Variants in FMNL3 observed in about 807,000 individuals in gnomAD.
FMNL3 encodes the protein formin-like protein 3.
In FMNL3, 57 loss-of-function variants were observed where a neutral mutation model predicts 119.6. That is an observed-to-expected ratio of 0.48 (90% CI 0.39 to 0.59). The LOEUF (loss-of-function observed/expected upper bound fraction) is 0.59. FMNL3 is among the 20% of genes least tolerant of loss of function. FMNL3 has a pLI of 0.00. For synonymous variants in FMNL3, 491 were observed against 507.3 expected (o/e 0.97, Z 0.43); for missense variants, 1,053 against 1,323.5 (o/e 0.80, Z 3.17).
At chr12:49,676,429 A>T (rs2138916770) in intron 1 of FMNL3, among the ~76,000 whole-genome samples, 1 of 152,266 alleles carries the variant, frequency 6.6e-6, no homozygotes, top group South Asian at 2.1e-4. Context: ...TGACCTTGGA[A>T]ATGAAATCCA....
At chr12:49,686,708 T>A (rs962364038) in intron 1 of FMNL3, among the ~76,000 whole-genome samples, 9 of 152,024 alleles carry the variant, frequency 5.9e-5, no homozygotes, top group Middle Eastern at 3.4e-3. Context: ...CCAGACTTCA[T>A]ATTTCTCTTC....
At chr12:49,656,197 G>C (rs1362912945) in intron 9 of FMNL3, among the ~76,000 whole-genome samples, 1 of 152,064 alleles carries the variant, frequency 6.6e-6, no homozygotes, top group African/African-American at 2.4e-5. Flanking sequence ...TCTTTAGCTG[G>C]CCAATCAGGA....
chr12:49,661,945 C>T (rs780752575), intron 5 of FMNL3, 21 bp downstream of exon 5: 82 of 1,612,054 alleles, frequency 5.1e-5, no homozygotes, highest in Non-Finnish European at 7.0e-5. Context: ...TCCCCAACTT[C>T]AGCCCCGGGG....
In FMNL3 at chr12:49,636,724, A is replaced by G; in HGVS notation, c.*9091T>C. On this transcript the variant is annotated 3_prime_UTR_variant, in exon 26 of 26. Transcript: ENST00000335154. ...CTCCTGCCTGTCTTTAGACATGGACAAGGAAGATGCACTGATCTGTTTTGA... is the reference window on the plus strand; with the variant it reads ...CTCCTGCCTGTCTTTAGACATGGACGAGGAAGATGCACTGATCTGTTTTGA... 1.2e-6 allele frequency: 2 copies of G among 1,614,168 alleles called. No homozygotes were observed.
chr12:49,668,510 C>A lies in FMNL3; in HGVS notation c.171G>T (p.Gln57His). The change falls in exon 2 of 26, where the codon CAG becomes CAT. Residue 57 changes from glutamine to histidine, a missense_variant. Gln to His is a conservative substitution (Grantham distance 24, BLOSUM62 0). Around this residue, in one of 4 missense-constraint regions of FMNL3, gnomAD observed 264 missense variants for 265.5 expected, o/e 0.99. Coordinates refer to ENST00000335154, the MANE Select transcript of FMNL3 (RefSeq NM_175736.5). Reference sequence around the variant, plus strand: ...GATCCCATTTCTTCTCATTGTCATACTGCCGCAGGAGCCGGGCCTTGTCTG... The same window carrying A: ...GATCCCATTTCTTCTCATTGTCATAATGCCGCAGGAGCCGGGCCTTGTCTG... Reference protein sequence around the residue: ...LPPDKARLLRQYDNEKKWDLI... With the variant: ...LPPDKARLLRHYDNEKKWDLI... The A allele has an allele frequency of 6.2e-7, 1 of 1,614,182 alleles. No individual in the cohort carries two copies. The highest frequency in any genetic ancestry group is 8.5e-7 in the Non-Finnish European group (1 of 1,180,034).
In FMNL3 at chr12:49,647,668, C is replaced by A. The variant is rs772540098; in HGVS notation, c.2778+35G>T. On this transcript the variant is annotated intron_variant, in intron 23 of 25. Coordinates refer to ENST00000335154, the MANE Select transcript of FMNL3 (RefSeq NM_175736.5). This position sits in a 1 kb window ranked among gnomAD's most constrained non-coding sequence, Gnocchi z 4.9. Reference sequence around the variant, plus strand: ...TTCTCTCCCCCAGCCAGTTTTCTCGCAACCAAACTTCTTAAAAAGCTCTCT... The same window carrying A: ...TTCTCTCCCCCAGCCAGTTTTCTCGAAACCAAACTTCTTAAAAAGCTCTCT... The A allele has an allele frequency of 3.8e-6, 6 of 1,593,268 alleles. No homozygotes were observed. Among genetic ancestry groups the A allele is most frequent in the African/African-American group, 1.3e-5 (1 of 74,494 alleles).
chr12:49,695,729 A>AT (rs1592696159), intron 1 of FMNL3, among the ~76,000 whole-genome samples: 1 of 152,002 alleles, frequency 6.6e-6, no homozygotes, highest in Non-Finnish European at 1.5e-5. Flanking sequence ...TGTCTTAAAG[A>AT]TTTTTTTTCA....
Position 49,647,645 on chromosome 12 carries a change from C to T in FMNL3, c.2778+58G>A. ...AGGCCCATACTTTAAGCCCAGGCTTCTCTCCCCCAGCCAGTTTTCTCGCAA... is the reference window on the plus strand; with the variant it reads ...AGGCCCATACTTTAAGCCCAGGCTTTTCTCCCCCAGCCAGTTTTCTCGCAA... On this transcript the variant is annotated intron_variant, in intron 23 of 25. Coordinates refer to ENST00000335154, the MANE Select transcript of FMNL3 (RefSeq NM_175736.5). The surrounding 1 kb of genome is among the most constrained non-coding windows in gnomAD (Gnocchi z 4.9). 1 of 1,488,240 alleles carries T rather than the reference C, an allele frequency of 6.7e-7. No homozygotes were observed. Among genetic ancestry groups the T allele is most frequent in the Non-Finnish European group, 9.4e-7 (1 of 1,068,112 alleles). The allele number at this position is 1,488,240 out of a possible 1,614,324, so 92.2% of individuals were successfully genotyped here.
intron 1 of FMNL3, among the ~76,000 whole-genome samples, chr12:49,706,541 T>TC (rs112617674): frequency 0.09 from 13,693 of 151,970 alleles, 1,163 homozygotes; most frequent in African/African-American, 0.23. Context: ...GCCAGCCGCC[T>TC]CCCCATCCCC....
At chr12:49,688,251 G>A (rs1295055643) in intron 1 of FMNL3, among the ~76,000 whole-genome samples, 1 of 152,196 alleles carries the variant, frequency 6.6e-6, no homozygotes, top group South Asian at 2.1e-4. Flanking sequence ...CCCTGCAGGG[G>A]ACAGTCTAGC....
intron 1 of FMNL3, among the ~76,000 whole-genome samples, chr12:49,701,367 T>TAA (rs1052259700): frequency 6.6e-6 from 1 of 152,176 alleles, no homozygotes; most frequent in African/African-American, 2.4e-5. Context: ...TCCATCCTTT[T>TAA]AAAAACCTTC....
chr12:49,653,209 C>T lies in FMNL3; in HGVS notation c.1323+17G>A, dbSNP rs751057165. The stretch of plus-strand genomic sequence containing the variant: ...CCCAGGATCAGTCAGGGACTGCCTT[C>T]CCCAGAGTACTTGTACCTTGATGCT... On this transcript the variant is annotated intron_variant, in intron 13 of 25. Coordinates refer to ENST00000335154, the MANE Select transcript of FMNL3 (RefSeq NM_175736.5). The T allele has an allele frequency of 6.2e-7, 1 of 1,612,148 alleles. No homozygotes were observed. Among genetic ancestry groups the T allele is most frequent in the South Asian group, 1.1e-5 (1 of 91,050 alleles).
At position 49,656,527 on chromosome 12, in the gene FMNL3, C is replaced by T. The variant is rs746847635; in HGVS notation, c.792-30G>A. 2.4e-5 allele frequency: 38 copies of T among 1,585,290 alleles called. No homozygotes were observed. In the Middle Eastern group the frequency reaches 1.0e-3, roughly 42 times the overall value. ...GGGGTGAAGAAGGAAGATTAACACCCTAACTCCCCATCCTGACAACCACAC... is the reference window on the plus strand; with the variant it reads ...GGGGTGAAGAAGGAAGATTAACACCTTAACTCCCCATCCTGACAACCACAC... On this transcript the variant is annotated intron_variant, in intron 8 of 25. Coordinates refer to ENST00000335154, the MANE Select transcript of FMNL3 (RefSeq NM_175736.5).
At chr12:49,695,676 A>G (rs1428982588) in intron 1 of FMNL3, among the ~76,000 whole-genome samples, 1 of 152,228 alleles carries the variant, frequency 6.6e-6, no homozygotes, top group Non-Finnish European at 1.5e-5. Flanking sequence ...GCCATTCCTA[A>G]AAGGATGAGA....
At chr12:49,690,827 G>A (rs1944581950) in intron 1 of FMNL3, among the ~76,000 whole-genome samples, 1 of 152,220 alleles carries the variant, frequency 6.6e-6, no homozygotes, top group African/African-American at 2.4e-5. Context: ...ACTTTGGGAG[G>A]CCAAGGCAGG....
At chr12:49,705,668 G>A (rs1363248065) in intron 1 of FMNL3, among the ~76,000 whole-genome samples, 1 of 152,184 alleles carries the variant, frequency 6.6e-6, no homozygotes, top group Non-Finnish European at 1.5e-5. Flanking sequence ...ACAGCACATT[G>A]GTAATCACTG....
Position 49,644,093 on chromosome 12 carries a change from C to T in FMNL3, c.*1722G>A. The T allele has an allele frequency of 6.2e-7, 1 of 1,614,192 alleles. No homozygotes were observed. The highest frequency in any genetic ancestry group is 8.5e-7 in the Non-Finnish European group (1 of 1,180,042). On this transcript the variant is annotated 3_prime_UTR_variant, in exon 26 of 26. Transcript: ENST00000335154. ...GCTAAGGGTGAACTGTGCCTTTGCT[C>T]CAACAGACAGGCTGGGACACGTCAG...
chr12:49,644,986 A>C lies in FMNL3; in HGVS notation c.*829T>G, dbSNP rs1484020062. ...GAGAGTCTGAGGTTTATGTACAGTA[A>C]GAGGAAAGGGAGGTGGTACATGTAC... On this transcript the variant is annotated 3_prime_UTR_variant, in exon 26 of 26. Transcript: ENST00000335154. 2 of 151,988 alleles carry C rather than the reference A, an allele frequency of 1.3e-5. No individual in the cohort carries two copies. Among genetic ancestry groups the C allele is most frequent in the Admixed American group, 6.6e-5 (1 of 15,260 alleles). 9.4% of individuals were successfully genotyped at this position (151,988 alleles called of 1,614,324 possible). A position where few individuals can be genotyped will look rare whatever the true frequency, so the allele number is the denominator to read the frequency against.
chr12:49,647,037 A>C lies in FMNL3; in HGVS notation c.2872-28T>G, dbSNP rs1423698561. ...AGGGCCAAGAATGTGGAGGGGAAGG[A>C]AGTCATCACTAACCTAATGTGGGAC... is the stretch of plus-strand genomic sequence containing the variant. On this transcript the variant is annotated intron_variant, in intron 24 of 25. Coordinates refer to ENST00000335154, the MANE Select transcript of FMNL3 (RefSeq NM_175736.5). This position sits in a 1 kb window ranked among gnomAD's most constrained non-coding sequence, Gnocchi z 4.9. The C allele has an allele frequency of 1.1e-5, 17 of 1,613,544 alleles. No individual in the cohort carries two copies. Among genetic ancestry groups the C allele is most frequent in the Non-Finnish European group, 1.4e-5 (17 of 1,179,776 alleles).
Sources: allele counts gnomAD v4.1 joint callset (sites outside exome capture counted in the v4.1 genomes callset), GRCh38; gene constraint gnomAD v4.1.1; regional missense constraint gnomAD v4.1.1; non-coding constraint Gnocchi (gnomAD v3.1); transcripts MANE v1.5; gene names NCBI Gene and HGNC (gene_info 2026-07-23, HGNC 2026-07-21).